Variants in SLC27A6 observed in about 807,000 individuals in gnomAD.
SLC27A6 encodes the protein solute carrier family 27 member 6.
In SLC27A6, 74 loss-of-function variants were observed where a neutral mutation model predicts 63.9. That is an observed-to-expected ratio of 1.16 (90% CI 0.96 to 1.40). The LOEUF (loss-of-function observed/expected upper bound fraction) is 1.40, where lower values mean the gene tolerates loss of function less well. SLC27A6 is among the 40% of genes most tolerant of loss of function. The probability of loss-of-function intolerance (pLI) is 0.00; values close to 1 mark genes in which losing one functional copy is unlikely to be tolerated. For missense variants in SLC27A6, 794 were observed against 732.9 expected, an observed-to-expected ratio of 1.08 and a Z score of -0.96; for synonymous variants, 287 against 260.8, an observed-to-expected ratio of 1.10 and a Z score of -0.97.
chr5:128,966,719 G>A (rs992033733), intron 1 of SLC27A6, 101 bp downstream of exon 1: 64 of 1,211,110 alleles, frequency 5.3e-5, no homozygotes, highest in Non-Finnish European at 6.5e-5. Context: ...TATTTTGGGT[G>A]AGTGAAGTGT....
At chr5:128,975,895 AAAG>A (rs1750360101) in intron 1 of SLC27A6, among the ~76,000 whole-genome samples, 3 of 152,224 alleles carry the variant, frequency 2.0e-5, no homozygotes, top group Admixed American at 2.0e-4. Context: ...CATGGCCAGT[AAAG>A]AAGAAACCAC....
At chr5:128,972,646 T>G (rs192549991) in intron 1 of SLC27A6, among the ~76,000 whole-genome samples, 15 of 152,318 alleles carry the variant, frequency 9.8e-5, no homozygotes, top group Admixed American at 7.2e-4. Context: ...TCTATGCTGT[T>G]TATTCTAATT....
At chr5:128,987,332 A>G (rs1232694914) in intron 2 of SLC27A6, among the ~76,000 whole-genome samples, 1 of 152,186 alleles carries the variant, frequency 6.6e-6, no homozygotes, top group South Asian at 2.1e-4. Flanking sequence ...GAAACCAACT[A>G]GTAAATAAGT....
At chr5:129,025,445 G>T (rs1176587185) in intron 6 of SLC27A6, among the ~76,000 whole-genome samples, 2 of 148,470 alleles carry the variant, frequency 1.3e-5, no homozygotes, top group Non-Finnish European at 3.0e-5. Flanking sequence ...GATGTACCTG[G>T]ATATATATAT....
intron 4 of SLC27A6, among the ~76,000 whole-genome samples, chr5:128,999,007 G>T (rs758128958): frequency 1.3e-5 from 2 of 152,048 alleles, no homozygotes; most frequent in African/African-American, 4.8e-5. Context: ...TAATTTATTT[G>T]CCCCTTGGAG....
intron 1 of SLC27A6, among the ~76,000 whole-genome samples, chr5:128,971,958 G>C (rs1369926178): frequency 6.6e-6 from 1 of 152,148 alleles, no homozygotes; most frequent in Non-Finnish European, 1.5e-5. Context: ...GGCAGGCCTG[G>C]TGGTGACAAA....
intron 1 of SLC27A6, among the ~76,000 whole-genome samples, chr5:128,977,106 C>G (rs933566958): frequency 6.6e-6 from 1 of 152,146 alleles, no homozygotes. Flanking sequence ...GAGTGGACAA[C>G]TTTTTGCAAA....
intron 4 of SLC27A6, among the ~76,000 whole-genome samples, chr5:128,996,926 C>T (rs1002895360): frequency 6.6e-6 from 1 of 152,130 alleles, no homozygotes; most frequent in Admixed American, 6.5e-5. Context: ...AAGCTAAAAT[C>T]TTGGCTTTAC....
rs1752268852 is a variant in SLC27A6 at position 129,027,132 on chromosome 5, G to A, written c.1256-1G>A. ...TGCAAAAATGTCGTTCTTTCTTGCA[G>A]GAGAACCTGGACTTCTCATTTCTCG... is the stretch of plus-strand genomic sequence containing the variant. On this transcript the variant is annotated splice_acceptor_variant, in intron 6 of 9. Transcript: ENST00000262462. LOFTEE classifies it high-confidence loss of function. 2 of 1,612,560 alleles carry A rather than the reference G, an allele frequency of 1.2e-6. No individual in the cohort carries two copies. Among genetic ancestry groups the A allele is most frequent in the Non-Finnish European group, 1.7e-6 (2 of 1,179,012 alleles).
Position 128,985,267 on chromosome 5 carries a change from C to T in SLC27A6, c.616C>T (p.Pro206Ser). 6.2e-7 allele frequency: 1 copy of T among 1,614,104 alleles called. No homozygotes were observed. The highest frequency in any genetic ancestry group is 1.3e-5 in the African/African-American group (1 of 75,036). Residue 206 changes from proline (P) to serine (S), a missense_variant, in exon 2 of 10, where the codon CCA becomes TCA. Pro to Ser is a moderately conservative substitution (Grantham distance 74). Transcript: ENST00000262462. ...KLSTSPDEPV[P>S]RSHHVVSLLK... ...GAGCACCTCACCTGATGAGCCCGTG[C>T]CACGCAGCCACCATGTTGTCTCACT...
intron 9 of SLC27A6, 103 bp from the exon 10 acceptor site, chr5:129,033,003 A>G: frequency 1.7e-6 from 1 of 589,994 alleles, no homozygotes; most frequent in South Asian, 3.7e-5. Flanking sequence ...AGATCACTAG[A>G]TATAAAGTGT....
rs1184351 is a variant in SLC27A6 at position 129,030,691 on chromosome 5, C to A, written c.1683+984C>A. On this transcript the variant is annotated intron_variant, in intron 9 of 9. Transcript: ENST00000262462. ...TGAGATAGTTGTAGATTGACACGCA[C>A]TTATAAGAAATAATAAGAGAGAACT... Among the ~76,000 whole-genome samples, 3 of 151,812 alleles carry A rather than the reference C, an allele frequency of 2.0e-5. No homozygotes were observed. In the South Asian group the frequency reaches 6.2e-4, roughly 31 times the overall value.
At chr5:129,032,490 A>G (rs565493039) in intron 9 of SLC27A6, among the ~76,000 whole-genome samples, 14 of 152,164 alleles carry the variant, frequency 9.2e-5, no homozygotes, top group African/African-American at 3.1e-4. Context: ...TGAATGTATT[A>G]CAAATTACTA....
At chr5:129,031,889 C>T (rs892724799) in intron 9 of SLC27A6, among the ~76,000 whole-genome samples, 1 of 151,722 alleles carries the variant, frequency 6.6e-6, no homozygotes, top group African/African-American at 2.4e-5. Context: ...GCTGTGATGA[C>T]AGTGTTGGAT....
intron 6 of SLC27A6, among the ~76,000 whole-genome samples, chr5:129,024,565 G>A (rs1752174566): frequency 6.6e-6 from 1 of 151,968 alleles, no homozygotes; most frequent in Non-Finnish European, 1.5e-5. Context: ...CCTCTCCTCA[G>A]CTTCTCCCTC....
chr5:128,977,301 G>C (rs1236754280), intron 1 of SLC27A6, among the ~76,000 whole-genome samples: 1 of 152,136 alleles, frequency 6.6e-6, no homozygotes, highest in Non-Finnish European at 1.5e-5. Context: ...CCTAGTTCTT[G>C]AACTATTCCT....
chr5:128,990,830 T>A (rs887854590), intron 4 of SLC27A6, among the ~76,000 whole-genome samples: 3 of 152,188 alleles, frequency 2.0e-5, no homozygotes, highest in African/African-American at 7.2e-5. Flanking sequence ...TCAGGAACAA[T>A]GGCGAGCCTC....
chr5:128,983,354 G>A (rs915053001), intron 1 of SLC27A6, among the ~76,000 whole-genome samples: 1 of 143,328 alleles, frequency 7.0e-6, no homozygotes, highest in Admixed American at 7.2e-5. Context: ...GTACAATGGC[G>A]TGATCTCGGC....
At chr5:129,010,045 C>T (rs1433404503) in intron 4 of SLC27A6, among the ~76,000 whole-genome samples, 2 of 152,146 alleles carry the variant, frequency 1.3e-5, no homozygotes, top group African/African-American at 4.8e-5. Context: ...TTAAAGGCGT[C>T]CCTGCTAACG....
Sources: gnomAD v4.1 joint callset for allele counts (sites outside exome capture counted in the v4.1 genomes callset) on GRCh38, gnomAD v4.1.1 for gene constraint, MANE v1.5 for transcripts, NCBI Gene and HGNC (gene_info 2026-07-23, HGNC 2026-07-21) for gene names.